BCL2L13: variants seen among roughly 807,000 people sequenced by gnomAD.
BCL2L13 encodes bcl-2-like protein 13.
A neutral mutation model predicts 25.8 loss-of-function variants in BCL2L13; 13 were observed. That is an observed-to-expected ratio of 0.50 (90% CI 0.33 to 0.80). The LOEUF (loss-of-function observed/expected upper bound fraction) is 0.80, where lower values mean the gene tolerates loss of function less well. BCL2L13 is among the 30% of genes least tolerant of loss of function. BCL2L13 has a pLI of 0.02. For missense variants in BCL2L13, 504 were observed against 574.9 expected (o/e 0.88, Z 1.26); for synonymous variants, 244 against 230.3 (o/e 1.06, Z -0.54).
intron 1 of BCL2L13, among the ~76,000 whole-genome samples, chr22:17,643,945 G>A (rs1212342220): frequency 6.7e-6 from 1 of 149,974 alleles, no homozygotes; most frequent in Non-Finnish European, 1.5e-5. Flanking sequence ...ATCTCACTCT[G>A]TTGTCCAGGC....
chr22:17,719,118 C>T (rs1233542360), intron 6 of BCL2L13, among the ~76,000 whole-genome samples: 1 of 133,882 alleles, frequency 7.5e-6, no homozygotes, highest in Non-Finnish European at 1.5e-5. Flanking sequence ...GGCACCACTA[C>T]ACTCCAGCCT....
intron 3 of BCL2L13, among the ~76,000 whole-genome samples, chr22:17,683,673 G>C (rs1361652563): frequency 6.6e-6 from 1 of 151,898 alleles, no homozygotes; most frequent in East Asian, 1.9e-4. Context: ...GTAAGCATAC[G>C]CTTTTATTTT....
At chr22:17,704,968 C>T (rs1227519852) in intron 6 of BCL2L13, among the ~76,000 whole-genome samples, 2 of 148,472 alleles carry the variant, frequency 1.3e-5, no homozygotes, top group Non-Finnish European at 3.0e-5. Context: ...ATACCCAGTG[C>T]TCAGTTTTGA....
intron 1 of BCL2L13, among the ~76,000 whole-genome samples, chr22:17,646,759 G>A (rs1486785204): frequency 1.1e-4 from 12 of 110,022 alleles, no homozygotes; most frequent in Non-Finnish European, 1.7e-4. Flanking sequence ...TAGCTCTGTC[G>A]CCTAGGCTGG....
intron 4 of BCL2L13, chr22:17,695,900 C>G: frequency 3.0e-6 from 1 of 333,428 alleles, no homozygotes; most frequent in Non-Finnish European, 5.7e-6. Context: ...AAAAAAATTA[C>G]TAGAATATAC....
chr22:17,686,052 G>A (rs1432128360), intron 3 of BCL2L13, among the ~76,000 whole-genome samples: 1 of 151,814 alleles, frequency 6.6e-6, no homozygotes, highest in Non-Finnish European at 1.5e-5. Context: ...GATTACAGGC[G>A]TGAGCCACCG....
At chr22:17,718,438 C>T (rs7290691) in intron 6 of BCL2L13, among the ~76,000 whole-genome samples, 27,239 of 152,024 alleles carry the variant, frequency 0.18, 3,266 homozygotes, top group African/African-American at 0.33. Context: ...GGCTGTATTG[C>T]GTGAGTTCTG....
chr22:17,730,201 C>G lies in BCL2L13; in HGVS notation c.*2667C>G, dbSNP rs1428832175. 2.0e-5 allele frequency: 3 copies of G among 152,184 alleles called. No individual in the cohort carries two copies. Among genetic ancestry groups the G allele is most frequent in the African/African-American group, 7.2e-5 (3 of 41,432 alleles). The allele number at this position is 152,184 out of a possible 1,614,324, so 9.4% of individuals were successfully genotyped here. Reference sequence around the variant, plus strand: ...TCCTCTCTGTATTAAAGTGATAATTCTGGGCCCACAGAAATCAGTCAGTAC... The same window carrying G: ...TCCTCTCTGTATTAAAGTGATAATTGTGGGCCCACAGAAATCAGTCAGTAC... On this transcript the variant is annotated 3_prime_UTR_variant, in exon 7 of 7. Transcript: ENST00000317582.
At position 17,676,108 on chromosome 22, in the gene BCL2L13, C is replaced by T. The variant is rs2059567653; in HGVS notation, c.122-7106C>T. ...AGAATTGGTGAGTGGGAGCACCTGT[C>T]GATTGGGCATTTATCTCATTACTCT... On this transcript the variant is annotated intron_variant, in intron 2 of 6. Coordinates refer to ENST00000317582, the MANE Select transcript of BCL2L13 (RefSeq NM_015367.4). Among the ~76,000 whole-genome samples, 6 of 152,242 alleles carry T rather than the reference C, an allele frequency of 3.9e-5. No homozygotes were observed. The South Asian group carries it at 1.2e-3, about 32-fold the overall frequency.
intron 1 of BCL2L13, among the ~76,000 whole-genome samples, chr22:17,633,066 T>C (rs2058055807): frequency 6.6e-6 from 1 of 152,212 alleles, no homozygotes; most frequent in African/African-American, 2.4e-5. Context: ...GATTTACTTA[T>C]TTTTATTTTG....
Position 17,726,898 on chromosome 22 carries a change from G to A in BCL2L13, c.822G>A (p.Glu274=), listed in dbSNP as rs1467580721. 6.2e-7 allele frequency: 1 copy of A among 1,614,246 alleles called. No individual in the cohort carries two copies. The highest frequency in any genetic ancestry group is 1.3e-5 in the African/African-American group (1 of 75,076). ...GCCTGCCAGTGTCACTAGGCCCTGA[G>A]TCCTGGCAGCAGATTGCAATGGATC... The part of the protein sequence containing the change: ...TESLPVSLGP[E]SWQQIAMDPE... The change falls in exon 7 of 7, where the codon GAG becomes GAA. Residue 274 remains glutamate (E), a synonymous_variant. Transcript: ENST00000317582.
At chr22:17,690,277 G>A (rs1469266727) in intron 4 of BCL2L13, among the ~76,000 whole-genome samples, 2 of 152,034 alleles carry the variant, frequency 1.3e-5, no homozygotes, top group African/African-American at 4.8e-5. Context: ...AGTGAGCTGA[G>A]ATCATGCCAT....
At chr22:17,704,017 A>T (rs1176054638) in intron 6 of BCL2L13, among the ~76,000 whole-genome samples, 4 of 152,254 alleles carry the variant, frequency 2.6e-5, no homozygotes, top group Non-Finnish European at 5.9e-5. Flanking sequence ...GTTACAGAGA[A>T]AGTAAGTATA....
At chr22:17,675,327 A>G (rs1229103945) in intron 2 of BCL2L13, among the ~76,000 whole-genome samples, 2 of 152,148 alleles carry the variant, frequency 1.3e-5, no homozygotes, top group Non-Finnish European at 2.9e-5. Context: ...AGGGTGGGCA[A>G]ATCATGAGGT....
intron 1 of BCL2L13, among the ~76,000 whole-genome samples, chr22:17,652,528 T>C (rs2058722168): frequency 6.6e-6 from 1 of 151,518 alleles, no homozygotes; most frequent in Non-Finnish European, 1.5e-5. Flanking sequence ...AACCTCTTCC[T>C]CCTGGGTTCA....
intron 6 of BCL2L13, among the ~76,000 whole-genome samples, chr22:17,714,652 T>C (rs905844447): frequency 1.3e-4 from 20 of 152,118 alleles, no homozygotes; most frequent in African/African-American, 4.8e-4. Flanking sequence ...AAGGTGTTTA[T>C]TATGTTTTGA....
chr22:17,668,487 C>G (rs147101262), intron 2 of BCL2L13, among the ~76,000 whole-genome samples: 2,144 of 150,518 alleles, frequency 0.014, 20 homozygotes, highest in South Asian at 0.046. Flanking sequence ...GAGTCTCGCT[C>G]TGTCGCCCAG....
In BCL2L13 at chr22:17,727,819, CTGACCATTCT is replaced by C; in HGVS notation, c.*286_*295del. The C allele has an allele frequency of 2.2e-6, 1 of 459,982 alleles. No individual in the cohort carries two copies. Among genetic ancestry groups the C allele is most frequent in the South Asian group, 2.5e-5 (1 of 39,762 alleles). The allele number at this position is 459,982 out of a possible 1,614,324, so 28.5% of individuals were successfully genotyped here. ...TCTCAGCCTTGGCACTAGTGCTGTT[CTGACCATTCT>C]CTGTGTTGGGGCTGTCCTGTGTGTG... On this transcript the variant is annotated 3_prime_UTR_variant, in exon 7 of 7. Transcript: ENST00000317582.
At chr22:17,645,130 G>A (rs78364150) in intron 1 of BCL2L13, among the ~76,000 whole-genome samples, 2,347 of 150,944 alleles carry the variant, frequency 0.016, 168 homozygotes, top group African/African-American at 0.054. Flanking sequence ...TTTTAAATAG[G>A]CATCCAAAGT....
Sources: gnomAD v4.1 joint callset for allele counts (sites outside exome capture counted in the v4.1 genomes callset) on GRCh38, gnomAD v4.1.1 for gene constraint, MANE v1.5 for transcripts, NCBI Gene and HGNC (gene_info 2026-07-23, HGNC 2026-07-21) for gene names.